Variants in ZNF536 observed in about 807,000 individuals in gnomAD.
ZNF536 encodes zinc finger protein 536.
Under a neutral mutation model 84.5 loss-of-function variants are expected in ZNF536, and 13 were observed. The observed-to-expected ratio is 0.15, with a 90% CI of 0.10 to 0.24. ZNF536 has a LOEUF of 0.24. Ranked by LOEUF, ZNF536 falls within the 10% of genes least tolerant of loss-of-function variation. The pLI, the probability that ZNF536 is intolerant of heterozygous loss-of-function variation, is 1.00. For synonymous variants in ZNF536, 811 were observed against 742.5 expected, an observed-to-expected ratio of 1.09 and a Z score of -1.50; for missense variants, 1,536 against 1,747.5, an observed-to-expected ratio of 0.88 and a Z score of 2.16.
At chr19:30,459,823 T>C (rs932949189) in intron 2 of ZNF536, among the ~76,000 whole-genome samples, 1 of 152,230 alleles carries the variant, frequency 6.6e-6, no homozygotes, top group East Asian at 1.9e-4. Flanking sequence ...CAGTCACTGA[T>C]GCTGTCCTAG....
At chr19:30,643,366 A>G (rs17542775) in intron 1 of ZNF536, among the ~76,000 whole-genome samples, 18,773 of 152,246 alleles carry the variant, frequency 0.12, 1,561 homozygotes, top group Middle Eastern at 0.22. Context: ...GAAGATTTGG[A>G]AAGAGTCCCA....
At chr19:30,396,592 CTT>C (rs386388859) in intron 1 of ZNF536, among the ~76,000 whole-genome samples, 54,515 of 111,850 alleles carry the variant, frequency 0.49, 11,562 homozygotes, top group Non-Finnish European at 0.52. Flanking sequence ...AGGGCTCTCT[CTT>C]TTTTTTTTTT....
intron 1 of ZNF536, among the ~76,000 whole-genome samples, chr19:30,271,972 G>A (rs886067357): frequency 3.9e-5 from 6 of 152,232 alleles, no homozygotes; most frequent in African/African-American, 7.2e-5. Context: ...GATCTGTGTC[G>A]TTGAAAGCCA....
chr19:30,527,910 T>G (rs930168366), intron 2 of ZNF536, among the ~76,000 whole-genome samples: 5 of 152,188 alleles, frequency 3.3e-5, no homozygotes, highest in East Asian at 1.9e-4. Context: ...ATGTGATTTT[T>G]TTGTTGTTGT....
chr19:30,289,584 G>A (rs529697284), intron 2 of ZNF536, among the ~76,000 whole-genome samples: 1 of 152,316 alleles, frequency 6.6e-6, no homozygotes, highest in South Asian at 2.1e-4. Context: ...AGCTCATGAG[G>A]CCCAGGGGTG....
intron 1 of ZNF536, among the ~76,000 whole-genome samples, chr19:30,692,074 T>C (rs2051435030): frequency 6.6e-6 from 1 of 152,226 alleles, no homozygotes; most frequent in South Asian, 2.1e-4. Flanking sequence ...CATGTGGATA[T>C]ACAGGAAGGA....
At chr19:30,541,317 G>A (rs2045322594) in intron 3 of ZNF536, among the ~76,000 whole-genome samples, 1 of 151,642 alleles carries the variant, frequency 6.6e-6, no homozygotes, top group Admixed American at 6.6e-5. Flanking sequence ...AGTTAAAATG[G>A]GTGTTCTTCT....
At chr19:30,587,686 T>G (rs1254771860) in intron 1 of ZNF536, among the ~76,000 whole-genome samples, 1 of 152,202 alleles carries the variant, frequency 6.6e-6, no homozygotes, top group Non-Finnish European at 1.5e-5. Context: ...AAGGACATGT[T>G]TTAGGTGGCA....
At chr19:30,399,568 A>AATCC (rs2049959692) in intron 1 of ZNF536, among the ~76,000 whole-genome samples, 1 of 151,994 alleles carries the variant, frequency 6.6e-6, no homozygotes, top group Non-Finnish European at 1.5e-5. Flanking sequence ...TTAAATTTTT[A>AATCC]ATCCATCTTG....
At chr19:30,575,854 T>A (rs976156997) in intron 1 of ZNF536, among the ~76,000 whole-genome samples, 5 of 152,192 alleles carry the variant, frequency 3.3e-5, no homozygotes, top group African/African-American at 1.2e-4. Flanking sequence ...GACAGCAGCA[T>A]GTACAGTTCA....
At chr19:30,616,383 A>G (rs990574913) in intron 1 of ZNF536, among the ~76,000 whole-genome samples, 4 of 152,214 alleles carry the variant, frequency 2.6e-5, no homozygotes, top group African/African-American at 9.6e-5. Context: ...GTTTAAATTT[A>G]TAAATGCCTC....
intron 1 of ZNF536, among the ~76,000 whole-genome samples, chr19:30,410,680 G>T (rs938463408): frequency 2.0e-5 from 3 of 151,772 alleles, no homozygotes; most frequent in Admixed American, 6.6e-5. Context: ...GGGTTTCACC[G>T]TGTTAGCCAG....
intron 2 of ZNF536, among the ~76,000 whole-genome samples, chr19:30,319,321 A>AT (rs990230841): frequency 5.9e-5 from 9 of 151,794 alleles, no homozygotes; most frequent in Non-Finnish European, 1.3e-4. Context: ...CTATCTTTTA[A>AT]TTTTTTTAAA....
intron 1 of ZNF536, among the ~76,000 whole-genome samples, chr19:30,576,666 T>C (rs2116935): frequency 0.46 from 69,482 of 152,078 alleles, 18,064 homozygotes; most frequent in African/African-American, 0.72. Context: ...TGCCTCACTT[T>C]CCTCTGCAGC....
At chr19:30,616,212 G>A (rs1380170690) in intron 1 of ZNF536, among the ~76,000 whole-genome samples, 4 of 152,104 alleles carry the variant, frequency 2.6e-5, no homozygotes, top group Admixed American at 2.6e-4. Context: ...ATATTTGAGA[G>A]AAATGCGCAG....
At chr19:30,323,753 A>T (rs2046933096) in intron 2 of ZNF536, among the ~76,000 whole-genome samples, 1 of 151,588 alleles carries the variant, frequency 6.6e-6, no homozygotes, top group Admixed American at 6.6e-5. Context: ...GTTCTTGGAG[A>T]TTTCACCTTC....
chr19:30,530,741 T>C (rs1049277765), intron 2 of ZNF536, among the ~76,000 whole-genome samples: 6 of 152,104 alleles, frequency 3.9e-5, no homozygotes, highest in African/African-American at 1.4e-4. Flanking sequence ...CTCCACCTGA[T>C]GTTATGGGGT....
intron 2 of ZNF536, among the ~76,000 whole-genome samples, chr19:30,287,000 G>A (rs1045730785): frequency 5.3e-5 from 8 of 152,196 alleles, no homozygotes; most frequent in Non-Finnish European, 7.3e-5. Context: ...GGAATCCATC[G>A]TGTTATTTGG....
intron 1 of ZNF536, among the ~76,000 whole-genome samples, chr19:30,263,495 G>T (rs905681778): frequency 6.6e-6 from 1 of 152,168 alleles, no homozygotes; most frequent in African/African-American, 2.4e-5. Context: ...GGATGGAAAT[G>T]AAAGATAACG....
Sources: gnomAD v4.1 joint callset for allele counts (sites outside exome capture counted in the v4.1 genomes callset) on GRCh38, gnomAD v4.1.1 for gene constraint, MANE v1.5 for transcripts, NCBI Gene and HGNC (gene_info 2026-07-23, HGNC 2026-07-21) for gene names.